Variants in CIRSR observed in about 807,000 individuals in gnomAD.
CIRSR encodes corepressor of RBPJ and splicing regulator, also known as CBF1 (RBPJ) interacting corepressor 1.
At chr2:174,354,495 A>ATATAT in the CIRSR span, among the ~76,000 whole-genome samples, 2 of 39,886 alleles carry the variant, frequency 5.0e-5, no homozygotes, top group African/African-American at 6.1e-5. Context: ...ATATTATATA[A>ATATAT]ATTATATTAT....
chr2:174,348,260 T>TA, the CIRSR span: 1 of 471,602 alleles, frequency 2.1e-6, no homozygotes, highest in Non-Finnish European at 3.5e-6. Context: ...CAACAGAAAA[T>TA]ATTTCCACAG....
At chr2:174,370,843 G>T in the CIRSR span, among the ~76,000 whole-genome samples, 1 of 151,774 alleles carries the variant, frequency 6.6e-6, no homozygotes, top group East Asian at 1.9e-4. Context: ...CCCAGGAGGT[G>T]GAGCTTGCAG....
At chr2:174,360,123 T>C in the CIRSR span, among the ~76,000 whole-genome samples, 1 of 152,210 alleles carries the variant, frequency 6.6e-6, no homozygotes, top group Admixed American at 6.5e-5. Flanking sequence ...GACGAGTTAA[T>C]GGGCGCAGCA....
At chr2:174,386,257 G>C in the CIRSR span, among the ~76,000 whole-genome samples, 80,615 of 151,972 alleles carry the variant, frequency 0.53, 21,793 homozygotes, top group East Asian at 0.72. Context: ...TCTTGGCTTA[G>C]CACAACTTCT....
the CIRSR span, among the ~76,000 whole-genome samples, chr2:174,373,907 C>T: frequency 6.6e-6 from 1 of 152,116 alleles, no homozygotes; most frequent in South Asian, 2.1e-4. Flanking sequence ...ACACACTCTT[C>T]CATGGCATTA....
the CIRSR span, chr2:174,380,722 A>G: frequency 1.9e-6 from 3 of 1,611,688 alleles, no homozygotes; most frequent in Non-Finnish European, 1.7e-6. Context: ...CTTTCTAAAA[A>G]CATTCATTGA....
At chr2:174,348,795 T>C in the CIRSR span, 1 of 1,614,226 alleles carries the variant, frequency 6.2e-7, no homozygotes, top group Non-Finnish European at 8.5e-7. Context: ...AGAATCAGAA[T>C]GGCTCCATTT....
the CIRSR span, among the ~76,000 whole-genome samples, chr2:174,382,794 G>T: frequency 6.7e-6 from 1 of 149,948 alleles, no homozygotes; most frequent in African/African-American, 2.4e-5. Context: ...AGGCTTTTTA[G>T]AAAAAAAAAG....
At chr2:174,366,134 G>A in the CIRSR span, among the ~76,000 whole-genome samples, 91,227 of 151,960 alleles carry the variant, frequency 0.6, 29,352 homozygotes, top group East Asian at 0.8. Context: ...GGAACCAGTG[G>A]GCTTTAAGAT....
chr2:174,350,760 A>C, the CIRSR span: 1 of 1,554,586 alleles, frequency 6.4e-7, no homozygotes, highest in Non-Finnish European at 8.7e-7. Flanking sequence ...GTCAACAAAG[A>C]TATCATTAAA....
the CIRSR span, chr2:174,380,108 C>T: frequency 1.3e-6 from 1 of 746,080 alleles, no homozygotes; most frequent in Non-Finnish European, 2.2e-6. Flanking sequence ...AACCATAGTG[C>T]CCCTTTTCAG....
chr2:174,379,609 A>T, the CIRSR span, among the ~76,000 whole-genome samples: 2 of 152,112 alleles, frequency 1.3e-5, no homozygotes, highest in Admixed American at 1.3e-4. Context: ...TTCTAAACCA[A>T]TAATAGATTT....
chr2:174,366,304 T>G, the CIRSR span, among the ~76,000 whole-genome samples: 1 of 152,098 alleles, frequency 6.6e-6, no homozygotes, highest in Non-Finnish European at 1.5e-5. Context: ...TGGCTGAGGA[T>G]TTCCCAAAAC....
chr2:174,363,935 T>C, the CIRSR span, among the ~76,000 whole-genome samples: 1 of 152,106 alleles, frequency 6.6e-6, no homozygotes, highest in African/African-American at 2.4e-5. Flanking sequence ...CATCCTCACA[T>C]TTCAAAACAA....
chr2:174,361,655 A>T, the CIRSR span, among the ~76,000 whole-genome samples: 1 of 151,448 alleles, frequency 6.6e-6, no homozygotes, highest in Non-Finnish European at 1.5e-5. Flanking sequence ...GGCAAGGAGA[A>T]GAACACTGAC....
At chr2:174,356,531 AAAGGAAGG>A in the CIRSR span, among the ~76,000 whole-genome samples, 5 of 133,570 alleles carry the variant, frequency 3.7e-5, no homozygotes, top group Admixed American at 2.3e-4. Flanking sequence ...AAGAAAGAAG[AAAGGAAGG>A]AAGGAAGGAA....
the CIRSR span, among the ~76,000 whole-genome samples, chr2:174,390,124 T>C: frequency 2.0e-5 from 3 of 152,178 alleles, no homozygotes; most frequent in South Asian, 2.1e-4. Flanking sequence ...CCCAGTATAG[T>C]AGATCCACCA....
At chr2:174,349,564 T>TA in the CIRSR span, among the ~76,000 whole-genome samples, 67 of 105,108 alleles carry the variant, frequency 6.4e-4, no homozygotes, top group Middle Eastern at 5.2e-3. Flanking sequence ...GACTCTGTCT[T>TA]AAAAAAAAAA....
At chr2:174,380,138 A>G in the CIRSR span, 1 of 1,157,842 alleles carries the variant, frequency 8.6e-7, no homozygotes, top group Non-Finnish European at 1.2e-6. Context: ...CTTTTAGACA[A>G]CAATATAAAG....
Sources: gnomAD v4.1 joint callset for allele counts (sites outside exome capture counted in the v4.1 genomes callset) on GRCh38, gnomAD v4.1.1 for gene constraint, MANE v1.5 for transcripts, NCBI Gene and HGNC (gene_info 2026-07-23, HGNC 2026-07-21) for gene names.